The following SYN2 variants were observed in gnomAD, a reference collection of about 807,000 sequenced individuals.
SYN2 encodes the protein synapsin-2.
In SYN2, 19 loss-of-function variants were observed where a neutral mutation model predicts 50.9. The observed-to-expected ratio is 0.37, with a 90% confidence interval of 0.26 to 0.55. SYN2 has a LOEUF of 0.55. Among genes scored for constraint, SYN2 ranks in the 20% least tolerant of loss-of-function variants. The pLI is 0.81. For synonymous variants in SYN2, 255 were observed against 224.9 expected (o/e 1.13, Z -1.20); for missense variants, 587 against 576.4 (o/e 1.02, Z -0.19).
chr3:12,109,661 C>T (rs1363416098), intron 1 of SYN2, among the ~76,000 whole-genome samples: 1 of 152,060 alleles, frequency 6.6e-6, no homozygotes, highest in Non-Finnish European at 1.5e-5. Context: ...TTCTTGACAC[C>T]AGCCTTTTCC....
intron 1 of SYN2, among the ~76,000 whole-genome samples, chr3:12,073,762 A>T (rs1695413377): frequency 6.6e-6 from 1 of 152,192 alleles, no homozygotes; most frequent in Non-Finnish European, 1.5e-5. Context: ...GGGTGACTTT[A>T]TGAGCCTTGG....
chr3:12,150,286 G>A (rs901204855), intron 4 of SYN2, among the ~76,000 whole-genome samples: 7 of 152,238 alleles, frequency 4.6e-5, no homozygotes, highest in Non-Finnish European at 7.3e-5. Context: ...GGATGGGAGT[G>A]TAGGTGTGTA....
chr3:12,084,962 G>A (rs1256665374), intron 1 of SYN2, among the ~76,000 whole-genome samples: 1 of 148,136 alleles, frequency 6.8e-6, no homozygotes, highest in East Asian at 2.0e-4. Flanking sequence ...AGGACAGCAA[G>A]AGAAAAGAGG....
intron 1 of SYN2, among the ~76,000 whole-genome samples, chr3:12,104,659 C>T (rs1402066582): frequency 7.0e-6 from 1 of 142,572 alleles, no homozygotes; most frequent in Non-Finnish European, 1.5e-5. Flanking sequence ...ACTGCACCCT[C>T]CACCTCAGCC....
At chr3:12,053,779 AG>A (rs1476348989) in intron 1 of SYN2, among the ~76,000 whole-genome samples, 2 of 152,334 alleles carry the variant, frequency 1.3e-5, no homozygotes, top group East Asian at 3.9e-4. Flanking sequence ...GTATGCCTCA[AG>A]TAATTAACTT....
At chr3:12,067,480 A>C (rs1695238937) in intron 1 of SYN2, among the ~76,000 whole-genome samples, 1 of 152,150 alleles carries the variant, frequency 6.6e-6, no homozygotes, top group Non-Finnish European at 1.5e-5. Context: ...TCACAACATC[A>C]ATTCATAAAT....
intron 1 of SYN2, among the ~76,000 whole-genome samples, chr3:12,129,378 C>T (rs1696741053): frequency 6.6e-6 from 1 of 152,096 alleles, no homozygotes. Flanking sequence ...CTGTCCTTAC[C>T]TTATAGATGA....
intron 1 of SYN2, among the ~76,000 whole-genome samples, chr3:12,097,692 A>G (rs1318683698): frequency 6.6e-6 from 1 of 152,206 alleles, no homozygotes; most frequent in East Asian, 1.9e-4. Context: ...GGATGAGTTC[A>G]TGTCCTTTGT....
intron 5 of SYN2, chr3:12,153,578 G>C (rs1452252372): frequency 6.2e-7 from 1 of 1,614,110 alleles, no homozygotes; most frequent in Non-Finnish European, 8.5e-7. Flanking sequence ...ACCAGCTGCA[G>C]GTGCCGTCAA....
intron 1 of SYN2, among the ~76,000 whole-genome samples, chr3:12,048,859 A>G (rs1489034806): frequency 2.0e-5 from 3 of 152,144 alleles, no homozygotes; most frequent in Non-Finnish European, 4.4e-5. Context: ...GCTGATAATC[A>G]CTGTACTGGA....
At chr3:12,145,336 A>G (rs1210665958) in intron 3 of SYN2, among the ~76,000 whole-genome samples, 2 of 152,220 alleles carry the variant, frequency 1.3e-5, no homozygotes, top group East Asian at 1.9e-4. Flanking sequence ...CAGGAGTTCA[A>G]GAAAAGCCTG....
intron 5 of SYN2, among the ~76,000 whole-genome samples, chr3:12,151,995 C>G (rs576529001): frequency 7.6e-4 from 116 of 152,224 alleles, no homozygotes; most frequent in African/African-American, 2.6e-3. Context: ...GCTCAAACTC[C>G]CTTCTTCTTC....
intron 1 of SYN2, among the ~76,000 whole-genome samples, chr3:12,100,191 A>G (rs1374755457): frequency 6.6e-6 from 1 of 152,172 alleles, no homozygotes; most frequent in East Asian, 1.9e-4. Context: ...GAACAATCTG[A>G]AAAAGGACAA....
intron 3 of SYN2, among the ~76,000 whole-genome samples, chr3:12,143,378 T>G (rs923479689): frequency 6.6e-6 from 1 of 152,128 alleles, no homozygotes; most frequent in African/African-American, 2.4e-5. Context: ...GTTCTAGTGT[T>G]CCATCGCCAA....
intron 7 of SYN2, among the ~76,000 whole-genome samples, chr3:12,164,976 T>A (rs1697745210): frequency 7.0e-6 from 1 of 143,000 alleles, no homozygotes; most frequent in Non-Finnish European, 1.5e-5. Context: ...TCTTCCTTTT[T>A]TTCTTTTCTT....
At chr3:12,091,485 T>A (rs1695826901) in intron 1 of SYN2, among the ~76,000 whole-genome samples, 1 of 152,110 alleles carries the variant, frequency 6.6e-6, no homozygotes. Flanking sequence ...TTTTAAAAGG[T>A]AACAGATCCT....
At chr3:12,133,574 T>A (rs1396239799) in intron 1 of SYN2, among the ~76,000 whole-genome samples, 1 of 152,200 alleles carries the variant, frequency 6.6e-6, no homozygotes, top group Non-Finnish European at 1.5e-5. Context: ...AATTGAATTG[T>A]CAGGTGAATG....
chr3:12,016,369 A>C (rs775113395), intron 1 of SYN2, among the ~76,000 whole-genome samples: 3 of 152,256 alleles, frequency 2.0e-5, no homozygotes, highest in Non-Finnish European at 4.4e-5. Flanking sequence ...CTTGAAATCA[A>C]ATAATTATAG....
intron 1 of SYN2, among the ~76,000 whole-genome samples, chr3:12,025,325 T>G (rs1694233913): frequency 6.6e-6 from 1 of 152,208 alleles, no homozygotes; most frequent in African/African-American, 2.4e-5. Context: ...TGTCAGTATT[T>G]TAAATTTCAA....
Sources: gnomAD v4.1 joint callset for allele counts (sites outside exome capture counted in the v4.1 genomes callset) on GRCh38, gnomAD v4.1.1 for gene constraint, MANE v1.5 for transcripts, NCBI Gene and HGNC (gene_info 2026-07-23, HGNC 2026-07-21) for gene names.